The following SYN3 variants were observed in gnomAD, a reference collection of about 807,000 sequenced individuals.
The protein encoded by SYN3 is synapsin III, also known as synapsin-3.
Under a neutral mutation model 65.8 loss-of-function variants are expected in SYN3, and 35 were observed. The observed-to-expected ratio is 0.53, with a 90% CI of 0.41 to 0.70. The LOEUF (loss-of-function observed/expected upper bound fraction) is 0.70, where lower values mean the gene tolerates loss of function less well. Ranked by LOEUF, SYN3 falls within the 30% of genes least tolerant of loss-of-function variation. The pLI is 0.00. For missense variants in SYN3, 680 were observed against 749.0 expected, an observed-to-expected ratio of 0.91 and a Z score of 1.08; for synonymous variants, 270 against 292.9, an observed-to-expected ratio of 0.92 and a Z score of 0.80.
intron 6 of SYN3, among the ~76,000 whole-genome samples, chr22:32,615,677 C>G (rs2059509497): frequency 6.6e-6 from 1 of 152,100 alleles, no homozygotes; most frequent in Non-Finnish European, 1.5e-5. Context: ...AAGAGGCTGG[C>G]CATGAAGCAG....
intron 3 of SYN3, 56 bp downstream of exon 3, chr22:32,980,589 A>T: frequency 6.6e-7 from 1 of 1,524,770 alleles, no homozygotes. Context: ...ATGTAAGAAC[A>T]GCCCCAGCGG....
intron 7 of SYN3, among the ~76,000 whole-genome samples, chr22:32,572,269 TCCCCCC>T (rs2058771401): frequency 1.0e-4 from 11 of 109,298 alleles, no homozygotes; most frequent in African/African-American, 2.2e-4. Flanking sequence ...CTTCCTTCCT[TCCCCCC>T]TCCCTCCCTC....
At chr22:33,028,411 T>A (rs2053675029) in intron 1 of SYN3, among the ~76,000 whole-genome samples, 1 of 152,186 alleles carries the variant, frequency 6.6e-6, no homozygotes, top group Non-Finnish European at 1.5e-5. Context: ...GCCTTTCATG[T>A]GACTTAGGGG....
At chr22:32,948,876 TAAA>T (rs200190615) in intron 3 of SYN3, among the ~76,000 whole-genome samples, 1 of 135,210 alleles carries the variant, frequency 7.4e-6, no homozygotes. Flanking sequence ...ATTAAATGTC[TAAA>T]AAAAAAAAAA....
intron 7 of SYN3, among the ~76,000 whole-genome samples, chr22:32,586,490 A>C (rs2059044052): frequency 6.6e-6 from 1 of 152,142 alleles, no homozygotes; most frequent in Admixed American, 6.6e-5. Flanking sequence ...AAAGAATATC[A>C]CTTAGGAAGA....
intron 6 of SYN3, among the ~76,000 whole-genome samples, chr22:32,684,659 C>G (rs1238706707): frequency 6.6e-6 from 1 of 152,202 alleles, no homozygotes; most frequent in Non-Finnish European, 1.5e-5. Flanking sequence ...AGCCCTCAAG[C>G]ACACCATGCA....
intron 6 of SYN3, among the ~76,000 whole-genome samples, chr22:32,784,315 G>A (rs2046139981): frequency 6.6e-6 from 1 of 152,224 alleles, no homozygotes; most frequent in Non-Finnish European, 1.5e-5. Context: ...TGTTACATGA[G>A]GCTGGAATGC....
At chr22:32,713,353 T>G (rs746625768) in intron 6 of SYN3, among the ~76,000 whole-genome samples, 20 of 152,216 alleles carry the variant, frequency 1.3e-4, no homozygotes, top group Non-Finnish European at 2.2e-4. Context: ...ACATTTTAAA[T>G]TTTCTGCCCC....
rs1298824941 is a variant in SYN3, at chr22:32,508,052, T to A, written c.*5640A>T. On this transcript the variant is annotated 3_prime_UTR_variant, in exon 14 of 14. Transcript: ENST00000358763. ...CACTATTTTGTTTTATTTTTCTTATTAATATAAGAAGGCAGGAATGTCAGG... is the reference window on the plus strand; with the variant it reads ...CACTATTTTGTTTTATTTTTCTTATAAATATAAGAAGGCAGGAATGTCAGG... Among the ~76,000 whole-genome samples the A allele has an allele frequency of 6.6e-6, 1 of 152,128 alleles. No homozygotes were observed. Among genetic ancestry groups the A allele is most frequent in the African/African-American group, 2.4e-5 (1 of 41,416 alleles).
At chr22:32,872,006 C>T (rs1210650760) in intron 4 of SYN3, among the ~76,000 whole-genome samples, 1 of 152,080 alleles carries the variant, frequency 6.6e-6, no homozygotes, top group East Asian at 1.9e-4. Context: ...TCCTTCAATT[C>T]CCTAGATGCT....
At chr22:32,882,819 AT>A (rs2049179787) in intron 4 of SYN3, among the ~76,000 whole-genome samples, 1 of 152,096 alleles carries the variant, frequency 6.6e-6, no homozygotes, top group Admixed American at 6.6e-5. Flanking sequence ...GAACTTTGCA[AT>A]ATGTATATGA....
At chr22:32,973,540 T>G (rs1432737332) in intron 3 of SYN3, among the ~76,000 whole-genome samples, 1 of 152,174 alleles carries the variant, frequency 6.6e-6, no homozygotes, top group Non-Finnish European at 1.5e-5. Context: ...GGAGGCGCCC[T>G]ACCTACAAAA....
intron 6 of SYN3, among the ~76,000 whole-genome samples, chr22:32,666,712 AAC>A (rs2060294514): frequency 6.6e-5 from 10 of 152,070 alleles, no homozygotes; most frequent in African/African-American, 2.4e-4. Context: ...ATCTCCATCT[AAC>A]ATGCCATCCA....
At chr22:32,973,768 T>C (rs1211628098) in intron 3 of SYN3, among the ~76,000 whole-genome samples, 13 of 152,310 alleles carry the variant, frequency 8.5e-5, no homozygotes, top group Non-Finnish European at 1.8e-4. Context: ...AGCTTCTTCA[T>C]CTGCTAAAAG....
At chr22:32,757,849 AG>A (rs111763894) in intron 6 of SYN3, among the ~76,000 whole-genome samples, 18,519 of 152,152 alleles carry the variant, frequency 0.12, 1,143 homozygotes, top group Admixed American at 0.16. Flanking sequence ...TCAGGAATGA[AG>A]GTTTGGGTCA....
chr22:32,592,954 C>T (rs1338619269), intron 7 of SYN3, among the ~76,000 whole-genome samples: 1 of 152,120 alleles, frequency 6.6e-6, no homozygotes, highest in Non-Finnish European at 1.5e-5. Context: ...TCCATGGGGG[C>T]CTGGGTAGAT....
chr22:32,516,346 GATTTATTTATTTATTT>G (rs58972175), intron 13 of SYN3, among the ~76,000 whole-genome samples: 2 of 149,842 alleles, frequency 1.3e-5, no homozygotes, highest in African/African-American at 2.5e-5. Context: ...ATACATCTTT[GATTTATTTATTTATTT>G]ATTTATTTAT....
intron 6 of SYN3, among the ~76,000 whole-genome samples, chr22:32,828,910 T>C (rs1371968925): frequency 6.6e-6 from 1 of 151,990 alleles, no homozygotes; most frequent in Admixed American, 6.6e-5. Context: ...CCTCTCTCAT[T>C]AGGGGGCCCC....
intron 7 of SYN3, among the ~76,000 whole-genome samples, chr22:32,574,816 AT>A (rs1469203194): frequency 2.0e-5 from 3 of 152,202 alleles, no homozygotes; most frequent in Non-Finnish European, 2.9e-5. Context: ...GTCATATGCT[AT>A]TGCATTACTC....
Sources: gnomAD v4.1 joint callset for allele counts (sites outside exome capture counted in the v4.1 genomes callset) on GRCh38, gnomAD v4.1.1 for gene constraint, MANE v1.5 for transcripts, NCBI Gene and HGNC (gene_info 2026-07-23, HGNC 2026-07-21) for gene names.